GPC6: variants seen among roughly 807,000 people sequenced by gnomAD.
The protein encoded by GPC6 is glypican-6.
A neutral mutation model predicts 55.2 loss-of-function variants in GPC6; 14 were observed. The observed-to-expected ratio is 0.25, with a 90% CI of 0.17 to 0.40. The LOEUF is 0.40. Ranked by LOEUF, GPC6 falls within the 10% of genes least tolerant of loss-of-function variation. The probability of loss-of-function intolerance (pLI) is 1.00; values close to 1 mark genes in which losing one functional copy is unlikely to be tolerated. For missense variants in GPC6, 641 were observed against 708.5 expected (o/e 0.90, Z 1.08); for synonymous variants, 278 against 259.6 (o/e 1.07, Z -0.68).
At chr13:94,039,173 G>A (rs1883443457) in intron 4 of GPC6, among the ~76,000 whole-genome samples, 1 of 152,002 alleles carries the variant, frequency 6.6e-6, no homozygotes, top group East Asian at 1.9e-4. Flanking sequence ...ATGGAGGTAA[G>A]GTTGGGCAGA....
At chr13:93,324,137 T>C (rs1879556704) in intron 1 of GPC6, among the ~76,000 whole-genome samples, 2 of 152,128 alleles carry the variant, frequency 1.3e-5, no homozygotes, top group Non-Finnish European at 2.9e-5. Flanking sequence ...ATCCTGTCAT[T>C]TGCAACAACA....
chr13:93,846,287 T>C (rs1888177598), intron 3 of GPC6, among the ~76,000 whole-genome samples: 1 of 152,168 alleles, frequency 6.6e-6, no homozygotes, highest in Admixed American at 6.5e-5. Context: ...TAAGTACTTT[T>C]TACACCTTGC....
At chr13:93,367,780 A>T (rs1292481179) in intron 1 of GPC6, among the ~76,000 whole-genome samples, 1 of 148,358 alleles carries the variant, frequency 6.7e-6, no homozygotes, top group Non-Finnish European at 1.5e-5. Context: ...GTTTGAATCC[A>T]TTGTGGCTAG....
chr13:93,920,338 C>G (rs1004043924), intron 3 of GPC6, among the ~76,000 whole-genome samples: 8 of 152,102 alleles, frequency 5.3e-5, no homozygotes, highest in Admixed American at 3.9e-4. Context: ...GTAGTCTCAT[C>G]CAGTTTCTGT....
intron 3 of GPC6, among the ~76,000 whole-genome samples, chr13:93,924,754 T>C (rs1877765452): frequency 6.6e-6 from 1 of 151,578 alleles, no homozygotes; most frequent in African/African-American, 2.4e-5. Flanking sequence ...ATACCTATAC[T>C]TTTCCTTCTG....
intron 1 of GPC6, among the ~76,000 whole-genome samples, chr13:93,466,225 A>G (rs552011414): frequency 2.0e-4 from 30 of 152,292 alleles, no homozygotes; most frequent in South Asian, 4.1e-4. Flanking sequence ...AAAAAAAAAC[A>G]GTATCTGTGA....
intron 3 of GPC6, among the ~76,000 whole-genome samples, chr13:93,928,571 A>G (rs975337936): frequency 1.3e-5 from 2 of 152,108 alleles, no homozygotes; most frequent in Non-Finnish European, 2.9e-5. Flanking sequence ...AGGGGAAAAG[A>G]CCTTCAAACC....
intron 3 of GPC6, among the ~76,000 whole-genome samples, chr13:93,950,250 A>G (rs1242507077): frequency 2.0e-5 from 3 of 152,214 alleles, no homozygotes; most frequent in African/African-American, 4.8e-5. Context: ...TTGAAGAACA[A>G]CAACAAACAG....
chr13:93,784,477 A>C (rs1885761487), intron 2 of GPC6, among the ~76,000 whole-genome samples: 2 of 152,196 alleles, frequency 1.3e-5, no homozygotes, highest in African/African-American at 4.8e-5. Flanking sequence ...CCCTTCCTCA[A>C]AAACATGGAT....
intron 2 of GPC6, among the ~76,000 whole-genome samples, chr13:93,803,210 GAA>G (rs2138940627): frequency 6.6e-6 from 1 of 152,080 alleles, no homozygotes; most frequent in African/African-American, 2.4e-5. Context: ...TTTGATAAGG[GAA>G]TTATATACAA....
intron 4 of GPC6, among the ~76,000 whole-genome samples, chr13:94,221,498 A>G (rs1490280876): frequency 6.6e-6 from 1 of 152,130 alleles, no homozygotes; most frequent in Non-Finnish European, 1.5e-5. Flanking sequence ...CTTAGACCTC[A>G]TATGTAAAAG....
intron 4 of GPC6, among the ~76,000 whole-genome samples, chr13:94,236,902 T>A (rs1327457152): frequency 7.0e-6 from 1 of 143,830 alleles, no homozygotes; most frequent in East Asian, 2.1e-4. Context: ...TTTTTTTTTC[T>A]CCTGAAAATT....
upstream of GPC6, chr13:93,226,667 G>C (rs1875794293): frequency 6.6e-6 from 1 of 152,176 alleles, no homozygotes. Context: ...AGGATGTGAA[G>C]TGAATAAGAA....
intron 1 of GPC6, among the ~76,000 whole-genome samples, chr13:93,265,846 A>G (rs898917024): frequency 6.7e-6 from 1 of 149,996 alleles, no homozygotes; most frequent in Non-Finnish European, 1.5e-5. Flanking sequence ...CCTCGAACGC[A>G]TAGCCTTGCC....
At chr13:93,976,627 C>T (rs1880530562) in intron 3 of GPC6, among the ~76,000 whole-genome samples, 1 of 150,734 alleles carries the variant, frequency 6.6e-6, no homozygotes, top group Non-Finnish European at 1.5e-5. Context: ...CAAGAGACTG[C>T]AATTTAAGAA....
At chr13:93,351,963 C>T (rs961123880) in intron 1 of GPC6, among the ~76,000 whole-genome samples, 14 of 151,912 alleles carry the variant, frequency 9.2e-5, no homozygotes, top group Admixed American at 3.9e-4. Context: ...GTTTTTGGTC[C>T]GTATATAACC....
chr13:93,362,574 T>C (rs891584871), intron 1 of GPC6, among the ~76,000 whole-genome samples: 2 of 152,134 alleles, frequency 1.3e-5, no homozygotes, highest in African/African-American at 4.8e-5. Context: ...GGAGTTCTGC[T>C]CGAGTACTGT....
chr13:93,216,727 G>GA, the GPC6 span, among the ~76,000 whole-genome samples: 1 of 152,058 alleles, frequency 6.6e-6, no homozygotes, highest in Non-Finnish European at 1.5e-5. Context: ...ATCCTCATGG[G>GA]AAAAAAGAAC....
chr13:94,171,788 G>A (rs938326597), intron 4 of GPC6, among the ~76,000 whole-genome samples: 13 of 152,064 alleles, frequency 8.5e-5, no homozygotes, highest in Non-Finnish European at 1.9e-4. Flanking sequence ...GCACAACTGC[G>A]TGCTTCAGTG....
Sources: gnomAD v4.1 joint callset for allele counts (sites outside exome capture counted in the v4.1 genomes callset) on GRCh38, gnomAD v4.1.1 for gene constraint, MANE v1.5 for transcripts, NCBI Gene and HGNC (gene_info 2026-07-23, HGNC 2026-07-21) for gene names.